The following MCF2L variants were observed in gnomAD, a reference collection of about 807,000 sequenced individuals.
MCF2L encodes guanine nucleotide exchange factor DBS.
In MCF2L, 97 loss-of-function variants were observed where a neutral mutation model predicts 153.4. The ratio of observed to expected loss-of-function variants is 0.63; its 90% CI spans 0.54 to 0.75. The LOEUF (loss-of-function observed/expected upper bound fraction) is 0.75. Ranked by LOEUF, MCF2L falls within the 30% of genes least tolerant of loss-of-function variation. The pLI, the probability that MCF2L is intolerant of heterozygous loss-of-function variation, is 0.00. For missense variants in MCF2L, 1,347 were observed against 1,495.2 expected (o/e 0.90, Z 1.64); for synonymous variants, 659 against 632.2 (o/e 1.04, Z -0.64).
intron 1 of MCF2L, among the ~76,000 whole-genome samples, chr13:113,010,748 A>G (rs2084039989): frequency 6.6e-6 from 1 of 151,912 alleles, no homozygotes; most frequent in Non-Finnish European, 1.5e-5. Context: ...ATCACTGGGG[A>G]GTTGGTTGGA....
At chr13:113,059,828 A>C (rs1009062424) in intron 4 of MCF2L, among the ~76,000 whole-genome samples, 1 of 152,260 alleles carries the variant, frequency 6.6e-6, no homozygotes, top group Non-Finnish European at 1.5e-5. Context: ...AACTGTGTCC[A>C]AGGCCGTGTG....
chr13:112,948,491 C>T lies in MCF2L; in HGVS notation c.169+46120C>T, dbSNP rs74898372. The stretch of plus-strand genomic sequence containing the variant: ...TTCATCACTCTTAAGCTCTGCCTTC[C>T]ACAAAGTCCTAGGACATGGACACAA... On this transcript the variant is annotated intron_variant, in intron 2 of 29. Transcript: ENST00000375608. Among the ~76,000 whole-genome samples, 1,288 of 152,286 alleles carry T rather than the reference C, an allele frequency of 8.5e-3. 23 individuals carry two copies. The highest frequency in any genetic ancestry group is 0.029 in the African/African-American group (1,205 of 41,548).
At chr13:113,055,588 C>T (rs1293477767) in intron 4 of MCF2L, among the ~76,000 whole-genome samples, 1 of 152,194 alleles carries the variant, frequency 6.6e-6, no homozygotes, top group African/African-American at 2.4e-5. Context: ...TCCAATTTCA[C>T]AGCAGTGTGA....
chr13:113,013,778 G>C (rs2084324051), intron 1 of MCF2L, among the ~76,000 whole-genome samples: 1 of 152,226 alleles, frequency 6.6e-6, no homozygotes, highest in Non-Finnish European at 1.5e-5. Context: ...GCGTTGGCCA[G>C]AAATCGTGTC....
At chr13:113,087,175 G>A in intron 21 of MCF2L, 60 bp from the exon 22 acceptor site, 1 of 1,434,906 alleles carries the variant, frequency 7.0e-7, no homozygotes, top group South Asian at 1.2e-5. Flanking sequence ...ACTCAGCGAT[G>A]CGCGTCCATG....
chr13:113,070,133 A>G lies in MCF2L; in HGVS notation c.956A>G (p.Gln319Arg). Residue 319 changes from glutamine to arginine, a missense_variant, in exon 9 of 30, where the codon CAG becomes CGG. By Grantham distance (43) the Gln-to-Arg change is conservative. This residue lies in a region of MCF2L where 820 missense variants were observed against 921.2 expected (regional missense o/e 0.89). Transcript: ENST00000535094. This position sits in a 1 kb window ranked among gnomAD's most constrained non-coding sequence, Gnocchi z 5.6. ...FWAKHQQKLE[Q>R]CLQLRHFEQG... ...GCAAAGCATCAGCAGAAACTGGAGC[A>G]GTGTCTGCAGCTCCGGCACTTTGAG... The G allele has an allele frequency of 1.2e-6, 2 of 1,607,766 alleles. No individual in the cohort carries two copies. Among genetic ancestry groups the G allele is most frequent in the Non-Finnish European group, 1.7e-6 (2 of 1,177,856 alleles).
intron 4 of MCF2L, among the ~76,000 whole-genome samples, chr13:113,059,265 G>A (rs1025205196): frequency 2.6e-5 from 4 of 152,154 alleles, no homozygotes; most frequent in East Asian, 1.9e-4. Context: ...CACGCCCCAC[G>A]CGTCCCCTGA....
intron 1 of MCF2L, among the ~76,000 whole-genome samples, chr13:112,995,641 T>G (rs1447248413): frequency 6.6e-6 from 1 of 152,106 alleles, no homozygotes; most frequent in East Asian, 1.9e-4. Context: ...TGTGGGACCG[T>G]GCGGGATGCA....
At chr13:112,908,463 T>G (rs80031820) in intron 2 of MCF2L, among the ~76,000 whole-genome samples, 2,835 of 152,312 alleles carry the variant, frequency 0.019, 97 homozygotes, top group African/African-American at 0.061. Flanking sequence ...ACGGAAGGTG[T>G]CTGAAGACAG....
At chr13:112,987,724 A>T (rs537769781) in intron 1 of MCF2L, among the ~76,000 whole-genome samples, 3 of 152,350 alleles carry the variant, frequency 2.0e-5, no homozygotes, top group African/African-American at 7.2e-5. Flanking sequence ...CCGGCCTCTC[A>T]TCCCTGTCCA....
intron 2 of MCF2L, among the ~76,000 whole-genome samples, chr13:112,914,276 A>G (rs2140535078): frequency 6.6e-6 from 1 of 152,218 alleles, no homozygotes; most frequent in African/African-American, 2.4e-5. Flanking sequence ...TTTTTTGTAC[A>G]AAAGGTAGCA....
chr13:112,968,914 T>C (rs778516334), upstream of MCF2L: 4 of 577,026 alleles, frequency 6.9e-6, no homozygotes, highest in Non-Finnish European at 1.1e-5. Context: ...ACCTTGGCGG[T>C]GACACGAATT....
chr13:113,013,276 G>C (rs952563331), intron 1 of MCF2L, among the ~76,000 whole-genome samples: 23 of 152,184 alleles, frequency 1.5e-4, no homozygotes, highest in Non-Finnish European at 2.2e-4. Context: ...AGCCATCGCC[G>C]AGACGTGGTT....
At chr13:113,019,690 T>G in intron 2 of MCF2L, among the ~76,000 whole-genome samples, 1 of 152,060 alleles carries the variant, frequency 6.6e-6, no homozygotes, top group East Asian at 1.9e-4. Flanking sequence ...ACTCAGATGT[T>G]GAAACCCTAA....
chr13:112,897,167 C>T (rs901130190), intron 1 of MCF2L, among the ~76,000 whole-genome samples: 1 of 152,196 alleles, frequency 6.6e-6, no homozygotes, highest in African/African-American at 2.4e-5. Flanking sequence ...TTCATGGCAA[C>T]CCCCGCTTTG....
intron 2 of MCF2L, among the ~76,000 whole-genome samples, chr13:112,912,979 G>T (rs1432764780): frequency 6.7e-6 from 1 of 150,100 alleles, no homozygotes; most frequent in Non-Finnish European, 1.5e-5. Flanking sequence ...TGTATGGGGT[G>T]TGTCTGTGTG....
intron 5 of MCF2L, among the ~76,000 whole-genome samples, chr13:113,063,278 G>A (rs1052351655): frequency 6.6e-6 from 1 of 152,168 alleles, no homozygotes; most frequent in African/African-American, 2.4e-5. Flanking sequence ...AGGCGCCCCT[G>A]TCCACACAGC....
intron 27 of MCF2L, chr13:113,095,403 T>C (rs1274875955): frequency 1.8e-6 from 2 of 1,101,642 alleles, no homozygotes; most frequent in Non-Finnish European, 1.1e-6. Flanking sequence ...TGAGAACAGA[T>C]GTGGGGGACA....
Position 113,076,083 on chromosome 13 carries a change from G to A in MCF2L, c.1426G>A (p.Gly476Ser), listed in dbSNP as rs772194442. The A allele has an allele frequency of 1.5e-5, 24 of 1,613,906 alleles. No individual in the cohort carries two copies. The highest frequency in any genetic ancestry group is 5.3e-5 in the African/African-American group (4 of 74,918). ...GGAAATCGAGAAGTTTTTGGAGACC[G>A]GTGCGGAAAATAAGATCCAGGAGCT... ...LQEIEKFLETGAENKIQELNA... is the reference protein window; with the variant it reads ...LQEIEKFLETSAENKIQELNA... Residue 476 changes from glycine (G) to serine (S), a missense_variant, in exon 12 of 30, where the codon GGT becomes AGT. Transcript: ENST00000535094.
Sources: gnomAD v4.1 joint callset for allele counts (sites outside exome capture counted in the v4.1 genomes callset) on GRCh38, gnomAD v4.1.1 for gene constraint, gnomAD v4.1.1 regional missense constraint, Gnocchi (gnomAD v3.1) non-coding constraint, MANE v1.5 for transcripts, NCBI Gene and HGNC (gene_info 2026-07-23, HGNC 2026-07-21) for gene names.